The following MDN1 variants were observed in gnomAD, a reference collection of about 807,000 sequenced individuals.
MDN1 encodes the protein midasin AAA ATPase 1.
MDN1 carries 266 observed loss-of-function variants against 669.2 expected under a neutral mutation model. That is an observed-to-expected ratio of 0.40 (90% CI 0.36 to 0.44). The LOEUF is 0.44. Among genes scored for constraint, MDN1 ranks in the 20% least tolerant of loss-of-function variants. The pLI is 1.00. For missense variants in MDN1, 5,940 were observed against 6,754.0 expected (o/e 0.88, Z 4.22); for synonymous variants, 2,385 against 2,457.1 (o/e 0.97, Z 0.87).
intron 1 of MDN1, among the ~76,000 whole-genome samples, chr6:89,809,784 TAAATAAAATAAAATAAAATA>T (rs58439361): frequency 0.015 from 1,668 of 112,590 alleles, 52 homozygotes; most frequent in African/African-American, 0.055. Context: ...TCAAAATAAA[TAAATAAAATAAAATAAAATA>T]AAATAAAATA....
Position 89,688,751 on chromosome 6 carries a change from T to C in MDN1, c.11081A>G (p.His3694Arg), listed in dbSNP as rs774379221. 31 of 1,614,076 alleles carry C rather than the reference T, an allele frequency of 1.9e-5. No homozygotes were observed. The highest frequency in any genetic ancestry group is 2.4e-5 in the Non-Finnish European group (28 of 1,180,046). The change falls in exon 66 of 102, where the codon CAT (histidine) becomes CGT (arginine). Residue 3694 changes from histidine to arginine, a missense_variant. His to Arg is a conservative substitution (Grantham distance 29, BLOSUM62 0). Transcript: ENST00000369393. The part of the protein sequence containing the change: ...GSQLLACTLS[H>R]NTLFGEAPSD... ...GGGTGCCTCCCCAAAAAGAGTGTTA[T>C]GGGAGAGGGTACAGGCCAAAAGTTG...
At chr6:89,778,975 G>A (rs894107648) in intron 11 of MDN1, among the ~76,000 whole-genome samples, 2 of 146,948 alleles carry the variant, frequency 1.4e-5, no homozygotes, top group African/African-American at 2.5e-5. Context: ...ACTAAAATAA[G>A]CCAAAGAAAA....
At chr6:89,660,706 T>C (rs1210961085) in intron 88 of MDN1, among the ~76,000 whole-genome samples, 1 of 152,188 alleles carries the variant, frequency 6.6e-6, no homozygotes, top group African/African-American at 2.4e-5. Context: ...ATTTATTCCT[T>C]TGTAACTTGC....
Position 89,776,678 on chromosome 6 carries a change from T to C in MDN1, c.1743A>G (p.Thr581=), listed in dbSNP as rs374539109. 34 of 1,611,412 alleles carry C rather than the reference T, an allele frequency of 2.1e-5. No homozygotes were observed. Among genetic ancestry groups the C allele is most frequent in the Non-Finnish European group, 2.8e-5 (33 of 1,178,074 alleles). ...TGCTTGTATGCTCAGAAAGCATTGCTGTGAAACAGTCTAGAGCCTATTAAA... is the reference window on the plus strand; with the variant it reads ...TGCTTGTATGCTCAGAAAGCATTGCCGTGAAACAGTCTAGAGCCTATTAAA... The part of the protein sequence containing the change: ...NIFQEALDCF[T]AMLSEHTSKL... Residue 581 remains threonine (T), a synonymous_variant, in exon 12 of 102, where the codon ACA becomes ACG. Coordinates refer to ENST00000369393, the MANE Select transcript of MDN1 (RefSeq NM_014611.3).
intron 65 of MDN1, among the ~76,000 whole-genome samples, chr6:89,689,061 G>A (rs564920568): frequency 1.3e-5 from 2 of 152,124 alleles, no homozygotes; most frequent in African/African-American, 2.4e-5. Flanking sequence ...AGCTTCTTGC[G>A]GGCCTGAGGC....
At chr6:89,660,455 A>AT in intron 88 of MDN1, among the ~76,000 whole-genome samples, 1 of 151,230 alleles carries the variant, frequency 6.6e-6, no homozygotes, top group Non-Finnish European at 1.5e-5. Flanking sequence ...AAGTGTTGGG[A>AT]TTACAGACAC....
In MDN1 at chr6:89,650,153, A is replaced by C; in HGVS notation, c.16077T>G (p.Ile5359Met). The C allele has an allele frequency of 6.2e-7, 1 of 1,614,148 alleles. No individual in the cohort carries two copies. The highest frequency in any genetic ancestry group is 8.5e-7 in the Non-Finnish European group (1 of 1,180,012). The change falls in exon 97 of 102, where the codon ATT (isoleucine) becomes ATG (methionine). Residue 5359 changes from isoleucine (I) to methionine (M), a missense_variant. This residue lies in a region of MDN1 where 2,280 missense variants were observed against 2,576.3 expected (regional missense o/e 0.88). Transcript: ENST00000369393. Reference protein sequence around the residue: ...TGKRLNIRKVIPYIASQFRKD... With the variant: ...TGKRLNIRKVMPYIASQFRKD... ...TCCGAAATTGACTAGCAATGTATGG[A>C]ATGACTTTCCGTATGTTTAGTCGTT... is the stretch of plus-strand genomic sequence containing the variant.
Position 89,781,419 on chromosome 6 carries a change from C to A in MDN1, c.1623G>T (p.Glu541Asp). 1 of 1,614,012 alleles carries A rather than the reference C, an allele frequency of 6.2e-7. No homozygotes were observed. Among genetic ancestry groups the A allele is most frequent in the African/African-American group, 1.3e-5 (1 of 75,004 alleles). Residue 541 changes from glutamate to aspartate, a missense_variant, in exon 10 of 102, where the codon GAG becomes GAT. Transcript: ENST00000369393. Reference sequence around the variant, plus strand: ...AGTACCTTAGAGATAATTCTCTTCCCTCAAGGGTTGGTCTTTTGTTTTCTC... The same window carrying A: ...AGTACCTTAGAGATAATTCTCTTCCATCAAGGGTTGGTCTTTTGTTTTCTC... The part of the protein sequence containing the change: ...ARRENKRPTL[E>D]GRELSLRDLL...
intron 74 of MDN1, 149 bp downstream of exon 74, chr6:89,680,440 T>C (rs1811529821): frequency 1.3e-5 from 11 of 856,050 alleles, no homozygotes; most frequent in Non-Finnish European, 1.9e-5. Context: ...TTCTGAGCTC[T>C]GTGGGTTTTT....
At position 89,650,109 on chromosome 6, in the gene MDN1, C is replaced by T. The variant is rs560038404; in HGVS notation, c.16121G>A (p.Arg5374Gln). ...CTGGCGTTTACTGGGCTTGGTCCTT[C>T]GAAGCCAAATCTTGTCTTTCCGAAA... ...SQFRKDKIWL[R>Q]RTKPSKRQYQ... The change falls in exon 97 of 102, where the codon CGA (arginine) becomes CAA (glutamine). Residue 5374 changes from arginine (R) to glutamine (Q), a missense_variant. By Grantham distance (43) the Arg-to-Gln change is conservative (BLOSUM62 1). Transcript: ENST00000369393. The T allele has an allele frequency of 1.1e-5, 18 of 1,614,122 alleles. No homozygotes were observed. In the East Asian group the frequency reaches 1.3e-4, roughly 12 times the overall value.
chr6:89,692,353 T>C (rs1812426225), intron 63 of MDN1, 90 bp downstream of exon 63: 1 of 1,127,202 alleles, frequency 8.9e-7, no homozygotes, highest in Non-Finnish European at 1.2e-6. Flanking sequence ...GTGTATCTAC[T>C]AGGCATGCTA....
chr6:89,652,215 G>T lies in MDN1; in HGVS notation c.15892C>A (p.Arg5298Ser). The T allele has an allele frequency of 6.2e-7, 1 of 1,613,808 alleles. No homozygotes were observed. Among genetic ancestry groups the T allele is most frequent in the Non-Finnish European group, 8.5e-7 (1 of 1,179,912 alleles). ...ACCTCCTCTGGGTTTCCAGATTCAC[G>T]TGGCTGCCACATTTCCAGCTGTCTC... The part of the protein sequence containing the change: ...LERQLEMWQP[R>S]ESGNPEEEKV... Residue 5298 changes from arginine (R) to serine (S), a missense_variant, in exon 95 of 102, where the codon CGT (arginine) becomes AGT (serine). This residue lies in a region of MDN1 where 2,280 missense variants were observed against 2,576.3 expected (regional missense o/e 0.88). Transcript: ENST00000369393.
At chr6:89,715,798 A>T (rs1562131189) in intron 44 of MDN1, 29 bp from the exon 45 acceptor site, 2 of 1,410,254 alleles carry the variant, frequency 1.4e-6, no homozygotes, top group Non-Finnish European at 2.0e-6. Flanking sequence ...GATGGTGGAT[A>T]GGCTGACATG....
Position 89,718,890 on chromosome 6 carries a change from C to CTGTG in MDN1, c.6197_6198insCACA (p.Pro2067ThrfsTer35). The stretch of plus-strand genomic sequence containing the variant: ...GGCTGGTCTTGCCCACAGAGGCTGG[C>CTGTG]CCGACCAGGATGACCATCCAGCTCA... On this transcript the variant is annotated frameshift_variant, in exon 42 of 102. Transcript: ENST00000369393. LOFTEE classifies it high-confidence loss of function. 6.2e-7 allele frequency: 1 copy of CTGTG among 1,614,042 alleles called. No homozygotes were observed. Among genetic ancestry groups the CTGTG allele is most frequent in the Non-Finnish European group, 8.5e-7 (1 of 1,180,012 alleles).
At chr6:89,664,229 T>TCACTGAAGGG (rs1562053015) in intron 85 of MDN1, among the ~76,000 whole-genome samples, 1 of 151,768 alleles carries the variant, frequency 6.6e-6, no homozygotes, top group African/African-American at 2.4e-5. Context: ...CTTTCAGGCT[T>TCACTGAAGGG]CACTACTGAG....
intron 99 of MDN1, 144 bp downstream of exon 99, chr6:89,647,888 A>C (rs1424529026): frequency 1.5e-6 from 1 of 649,390 alleles, no homozygotes; most frequent in Non-Finnish European, 2.7e-6. Flanking sequence ...GGGAGTTCGA[A>C]GCTATAGTGA....
At chr6:89,780,380 A>C in intron 10 of MDN1, 87 bp from the exon 11 acceptor site, 1 of 734,838 alleles carries the variant, frequency 1.4e-6, no homozygotes, top group Non-Finnish European at 2.1e-6. Flanking sequence ...GACCCACTTA[A>C]GTCTGGGCAT....
In MDN1 at chr6:89,699,635, A is replaced by G; in HGVS notation, c.8963T>C (p.Leu2988Pro). ...ATGCAGCAAGGACCACAGATCTCGA[A>G]GCTCTTGAGGTGTAACAGGTGTGTG... ...LYHTPVTPQE[L>P]RDLWSLLHHQ... The change falls in exon 58 of 102, where the codon CTT becomes CCT. Residue 2988 changes from leucine (L) to proline (P), a missense_variant. Around this residue, in one of 5 missense-constraint regions of MDN1, gnomAD observed 2,292 missense variants for 2,638.3 expected, o/e 0.87. Coordinates refer to ENST00000369393, the MANE Select transcript of MDN1 (RefSeq NM_014611.3). 6.2e-7 allele frequency: 1 copy of G among 1,614,042 alleles called. No homozygotes were observed. Among genetic ancestry groups the G allele is most frequent in the Non-Finnish European group, 8.5e-7 (1 of 1,179,968 alleles).
chr6:89,686,949 T>G lies in MDN1; in HGVS notation c.11525A>C (p.Tyr3842Ser). The G allele has an allele frequency of 1.2e-6, 2 of 1,613,960 alleles. No homozygotes were observed. Among genetic ancestry groups the G allele is most frequent in the Non-Finnish European group, 1.7e-6 (2 of 1,179,984 alleles). ...EKSTKHWFSI[Y>S]QMLEKHMQEQ... ...CTGCATGTGCTTCTCAAGCATCTGA[T>G]AGATGGAGAACCAGTGCTTGGTGGA... The change falls in exon 69 of 102, where the codon TAT (tyrosine) becomes TCT (serine). Residue 3842 changes from tyrosine to serine, a missense_variant. This residue lies in a region of MDN1 where 2,280 missense variants were observed against 2,576.3 expected (regional missense o/e 0.88). Transcript: ENST00000369393.
Sources: gnomAD v4.1 joint callset for allele counts (sites outside exome capture counted in the v4.1 genomes callset) on GRCh38, gnomAD v4.1.1 for gene constraint, gnomAD v4.1.1 regional missense constraint, MANE v1.5 for transcripts, NCBI Gene and HGNC (gene_info 2026-07-23, HGNC 2026-07-21) for gene names.